Variants in NPSR1 observed in about 807,000 individuals in gnomAD.
NPSR1 encodes the protein neuropeptide S receptor.
Under a neutral mutation model 46.9 loss-of-function variants are expected in NPSR1, and 48 were observed. That is an observed-to-expected ratio of 1.02 (90% CI 0.81 to 1.30). The LOEUF is 1.30. NPSR1 is among the 50% of genes most tolerant of loss of function. The probability of loss-of-function intolerance (pLI) is 0.00; values close to 1 mark genes in which losing one functional copy is unlikely to be tolerated. For synonymous variants in NPSR1, 176 were observed against 168.1 expected (o/e 1.05, Z -0.36); for missense variants, 450 against 449.5 (o/e 1.00, Z -0.01).
At chr7:34,866,932 T>C (rs966299072) in intron 8 of NPSR1, among the ~76,000 whole-genome samples, 1 of 151,686 alleles carries the variant, frequency 6.6e-6, no homozygotes, top group African/African-American at 2.4e-5. Flanking sequence ...TAATAAAAGA[T>C]AAAAGATTTT....
intron 5 of NPSR1, among the ~76,000 whole-genome samples, chr7:34,828,245 A>G (rs1489130528): frequency 6.6e-6 from 1 of 152,236 alleles, no homozygotes; most frequent in African/African-American, 2.4e-5. Context: ...TGTGATGACC[A>G]GAAATCAGAG....
intron 2 of NPSR1, among the ~76,000 whole-genome samples, chr7:34,776,105 ATTATT>A (rs750294851): frequency 3.6e-4 from 54 of 151,886 alleles, no homozygotes; most frequent in Admixed American, 5.3e-4. Flanking sequence ...TTCATATTAT[ATTATT>A]TTATTTTGTT....
chr7:34,750,805 G>C (rs1169379175), intron 2 of NPSR1: 1 of 694,448 alleles, frequency 1.4e-6, no homozygotes, highest in Non-Finnish European at 2.7e-6. Context: ...GCTCAGTTTA[G>C]GCTGTGTGGA....
intron 2 of NPSR1, among the ~76,000 whole-genome samples, chr7:34,767,754 T>A (rs1173413249): frequency 1.3e-5 from 2 of 152,002 alleles, no homozygotes; most frequent in African/African-American, 4.8e-5. Context: ...AAATCATAGA[T>A]CCAAAATTCT....
chr7:34,853,882 C>T (rs746335596), downstream of NPSR1, among the ~76,000 whole-genome samples: 16 of 151,796 alleles, frequency 1.1e-4, no homozygotes, highest in Non-Finnish European at 1.8e-4. Flanking sequence ...AGGAGAATCA[C>T]TTAAACCTGG....
intron 2 of NPSR1, chr7:34,751,697 T>C (rs1785541662): frequency 6.3e-7 from 1 of 1,587,274 alleles, no homozygotes; most frequent in African/African-American, 1.3e-5. Flanking sequence ...AACAGGAAAG[T>C]GGGGAGCATT....
chr7:34,815,484 T>A (rs768635396), intron 4 of NPSR1, among the ~76,000 whole-genome samples: 10 of 152,154 alleles, frequency 6.6e-5, no homozygotes, highest in Non-Finnish European at 1.0e-4. Context: ...CAGAACCAAG[T>A]TGGAACACAC....
downstream of NPSR1, among the ~76,000 whole-genome samples, chr7:34,850,631 A>C (rs1790909705): frequency 6.6e-6 from 1 of 151,932 alleles, no homozygotes; most frequent in African/African-American, 2.4e-5. Context: ...CAATCTCCTG[A>C]CCTCGTGATC....
rs1334396301 is a variant in NPSR1, at chr7:34,792,708, T to A, written c.384+14143T>A. Among the ~76,000 whole-genome samples the A allele has an allele frequency of 2.4e-5, 3 of 122,530 alleles. No homozygotes were observed. In the East Asian group the frequency reaches 6.8e-4, roughly 28 times the overall value. The allele number at this position is 122,530 out of a possible 152,430, so 80.4% of individuals were successfully genotyped here. On this transcript the variant is annotated intron_variant, in intron 3 of 8. Coordinates refer to ENST00000360581, the MANE Select transcript of NPSR1 (RefSeq NM_207172.2). Reference sequence around the variant, plus strand: ...ATATATGTATATATATACGTATATATATATATTTATATATATATATATATA... The same window carrying A: ...ATATATGTATATATATACGTATATAAATATATTTATATATATATATATATA...
intron 2 of NPSR1, among the ~76,000 whole-genome samples, chr7:34,766,506 A>T (rs1176972630): frequency 1.3e-5 from 2 of 152,228 alleles, no homozygotes; most frequent in Non-Finnish European, 2.9e-5. Flanking sequence ...ACAATTTAAA[A>T]CTATTCGGCA....
At chr7:34,762,148 G>T (rs534805982) in intron 2 of NPSR1, among the ~76,000 whole-genome samples, 1 of 152,110 alleles carries the variant, frequency 6.6e-6, no homozygotes, top group Non-Finnish European at 1.5e-5. Context: ...AGACACTAGC[G>T]GCATTTGTAA....
intron 3 of NPSR1, among the ~76,000 whole-genome samples, chr7:34,790,027 CAA>C (rs1787656873): frequency 6.6e-6 from 1 of 152,016 alleles, no homozygotes; most frequent in African/African-American, 2.4e-5. Flanking sequence ...ACTCATGTTA[CAA>C]AGTCAGCATT....
chr7:34,863,860 C>A (rs986976817), intron 8 of NPSR1, among the ~76,000 whole-genome samples: 5 of 151,724 alleles, frequency 3.3e-5, no homozygotes, highest in Admixed American at 6.6e-5. Context: ...TTTGACCCAG[C>A]AATCCCATTA....
intron 1 of NPSR1, among the ~76,000 whole-genome samples, chr7:34,681,911 G>A (rs1451873876): frequency 1.3e-5 from 2 of 152,186 alleles, no homozygotes; most frequent in African/African-American, 4.8e-5. Context: ...CATGGATAGG[G>A]TGATTATATA....
intron 7 of NPSR1, among the ~76,000 whole-genome samples, chr7:34,846,451 T>C (rs1047961029): frequency 6.6e-6 from 1 of 152,088 alleles, no homozygotes; most frequent in African/African-American, 2.4e-5. Context: ...TAAACATTAA[T>C]ATATTGCCCA....
rs1024283476 is a variant in NPSR1, at chr7:34,786,542, A to G, written c.384+7977A>G. Among the ~76,000 whole-genome samples, 4 of 152,272 alleles carry G rather than the reference A, an allele frequency of 2.6e-5. No individual in the cohort carries two copies. The East Asian group carries it at 7.7e-4, about 29-fold the overall frequency. ...TGTTCTTAATGACATCTAAGTAGTG[A>G]GTCCTTCTGGAAGGTTTTCAATTTC... On this transcript the variant is annotated intron_variant, in intron 3 of 8. Transcript: ENST00000360581.
chr7:34,789,248 G>A (rs901758584), intron 3 of NPSR1, among the ~76,000 whole-genome samples: 11 of 151,716 alleles, frequency 7.3e-5, no homozygotes, highest in Non-Finnish European at 1.6e-4. Context: ...AGAAGAAGAA[G>A]AAGAGTCAGG....
intron 2 of NPSR1, chr7:34,751,791 C>A: frequency 1.9e-6 from 3 of 1,587,904 alleles, no homozygotes; most frequent in Non-Finnish European, 2.6e-6. Flanking sequence ...CCTGCCATAT[C>A]TGGGCACAGA....
chr7:34,802,994 A>C (rs1788495712), intron 3 of NPSR1, among the ~76,000 whole-genome samples: 1 of 150,492 alleles, frequency 6.6e-6, no homozygotes, highest in Non-Finnish European at 1.5e-5. Flanking sequence ...CATCAGAGAA[A>C]TGCAAATCAA....
Sources: gnomAD v4.1 joint callset for allele counts (sites outside exome capture counted in the v4.1 genomes callset) on GRCh38, gnomAD v4.1.1 for gene constraint, MANE v1.5 for transcripts, NCBI Gene and HGNC (gene_info 2026-07-23, HGNC 2026-07-21) for gene names.